MACROD2: variants seen among roughly 807,000 people sequenced by gnomAD.
The protein encoded by MACROD2 is ADP-ribose glycohydrolase MACROD2.
A neutral mutation model predicts 70.4 loss-of-function variants in MACROD2; 36 were observed. The ratio of observed to expected loss-of-function variants is 0.51; its 90% confidence interval spans 0.39 to 0.68. The LOEUF (loss-of-function observed/expected upper bound fraction) is 0.68, where lower values mean the gene tolerates loss of function less well. Among genes scored for constraint, MACROD2 ranks in the 30% least tolerant of loss-of-function variants. The pLI, the probability that MACROD2 is intolerant of heterozygous loss-of-function variation, is 0.00. For missense variants in MACROD2, 496 were observed against 538.4 expected (o/e 0.92, Z 0.78); for synonymous variants, 172 against 178.8 (o/e 0.96, Z 0.30).
chr20:14,143,769 AT>A (rs960551206), intron 3 of MACROD2, among the ~76,000 whole-genome samples: 1 of 152,200 alleles, frequency 6.6e-6, no homozygotes, highest in African/African-American at 2.4e-5. Flanking sequence ...TTTGAACTGC[AT>A]GTTTAAATTG....
In MACROD2 at chr20:14,516,224, A is replaced by G. The variant is rs182850451; in HGVS notation, c.301+22716A>G. On this transcript the variant is annotated intron_variant, in intron 4 of 17. Coordinates refer to ENST00000684519, the MANE Select transcript of MACROD2 (RefSeq NM_001351661.2). ...TTCTATTTAATAATACTATTATTTT[A>G]TCTTTCAACATTTAATTTTTAAAAA... Among the ~76,000 whole-genome samples, 1,411 of 151,920 alleles carry G rather than the reference A, an allele frequency of 9.3e-3. 29 individuals carry two copies. The highest frequency in any genetic ancestry group is 0.032 in the African/African-American group (1,340 of 41,500).
intron 5 of MACROD2, among the ~76,000 whole-genome samples, chr20:14,993,017 A>G (rs1467822101): frequency 1.8e-4 from 27 of 152,148 alleles, no homozygotes; most frequent in Admixed American, 1.7e-3. Context: ...ATTCTGGAAA[A>G]TAGACTGCAT....
At chr20:14,305,140 A>G (rs534367962) in intron 3 of MACROD2, among the ~76,000 whole-genome samples, 54 of 152,296 alleles carry the variant, frequency 3.5e-4, no homozygotes, top group African/African-American at 1.3e-3. Context: ...TACCCTATAA[A>G]GATGCATGCT....
In MACROD2 at chr20:15,336,211, C is replaced by T. The variant is rs971644936; in HGVS notation, c.541-95194C>T. Among the ~76,000 whole-genome samples, 10 of 151,496 alleles carry T rather than the reference C, an allele frequency of 6.6e-5. 1 individual carries two copies. Among genetic ancestry groups the T allele is most frequent in the African/African-American group, 2.4e-4 (10 of 40,854 alleles). ...AGGAAGGCATTCCTGTTTTGCAAGT[C>T]ATTGTAATTTCCCCCGCAGGTAGCA... is the stretch of plus-strand genomic sequence containing the variant. On this transcript the variant is annotated intron_variant, in intron 6 of 17. Transcript: ENST00000684519.
chr20:14,617,126 T>A (rs1474475155), intron 4 of MACROD2, among the ~76,000 whole-genome samples: 1 of 152,148 alleles, frequency 6.6e-6, no homozygotes, highest in Non-Finnish European at 1.5e-5. Context: ...TTGTTTGACA[T>A]TGTCAGTTGG....
intron 5 of MACROD2, among the ~76,000 whole-genome samples, chr20:14,725,970 T>C (rs4813165): frequency 0.66 from 99,953 of 152,028 alleles, 33,226 homozygotes; most frequent in South Asian, 0.74. Context: ...GTGGTTCCTG[T>C]TATCATGTCC....
At chr20:14,686,377 G>T (rs1414783959) in intron 5 of MACROD2, among the ~76,000 whole-genome samples, 2 of 152,080 alleles carry the variant, frequency 1.3e-5, no homozygotes, top group African/African-American at 4.8e-5. Context: ...AAATAATTTT[G>T]TGCATGAAAC....
At chr20:15,820,311 C>G (rs964072134) in intron 8 of MACROD2, among the ~76,000 whole-genome samples, 3 of 152,056 alleles carry the variant, frequency 2.0e-5, no homozygotes, top group African/African-American at 7.2e-5. Context: ...CCGCCTCAGC[C>G]CCTTGAGTAT....
At chr20:14,593,299 A>G (rs1416478137) in intron 4 of MACROD2, among the ~76,000 whole-genome samples, 1 of 152,216 alleles carries the variant, frequency 6.6e-6, no homozygotes, top group African/African-American at 2.4e-5. Flanking sequence ...ATTGTGTATA[A>G]TAATGAAATG....
intron 5 of MACROD2, among the ~76,000 whole-genome samples, chr20:15,155,748 C>T (rs1363252623): frequency 2.0e-5 from 3 of 152,128 alleles, no homozygotes; most frequent in African/African-American, 7.2e-5. Flanking sequence ...GAATGAATAA[C>T]TGAACCAACA....
chr20:14,537,442 A>G (rs560812082), intron 4 of MACROD2, among the ~76,000 whole-genome samples: 8 of 152,256 alleles, frequency 5.3e-5, no homozygotes, highest in African/African-American at 1.4e-4. Context: ...CACTTACCCC[A>G]TTCTTCATTG....
intron 8 of MACROD2, among the ~76,000 whole-genome samples, chr20:15,526,159 T>C (rs2047719059): frequency 6.6e-6 from 1 of 152,166 alleles, no homozygotes; most frequent in Non-Finnish European, 1.5e-5. Context: ...AGAATGTCTT[T>C]CCTTCAGGTC....
chr20:15,133,905 C>CTTTTTTT (rs11467185), intron 5 of MACROD2, among the ~76,000 whole-genome samples: 1 of 111,298 alleles, frequency 9.0e-6, no homozygotes, highest in Non-Finnish European at 1.8e-5. Flanking sequence ...TTTAAATAAT[C>CTTTTTTT]TTTTTTTTTT....
intron 5 of MACROD2, among the ~76,000 whole-genome samples, chr20:15,080,080 G>T (rs1419702965): frequency 6.6e-6 from 1 of 151,120 alleles, no homozygotes; most frequent in Non-Finnish European, 1.5e-5. Flanking sequence ...CTTTTCTCTT[G>T]ACTCTAATGC....
Position 15,615,676 on chromosome 20 carries a change from G to A in MACROD2, c.645+115829G>A, listed in dbSNP as rs552833482. On this transcript the variant is annotated intron_variant, in intron 8 of 17. Coordinates refer to ENST00000684519, the MANE Select transcript of MACROD2 (RefSeq NM_001351661.2). ...CCACCATGGTCCAAGGGCCTGTGTC[G>A]GACTGAGGAGTGTCCTGCTCTTTCC... Among the ~76,000 whole-genome samples the A allele has an allele frequency of 6.6e-5, 10 of 152,186 alleles. No individual in the cohort carries two copies. In the South Asian group the frequency reaches 1.2e-3, roughly 19 times the overall value.
intron 6 of MACROD2, among the ~76,000 whole-genome samples, chr20:15,350,530 C>T (rs1465142673): frequency 6.6e-6 from 1 of 152,102 alleles, no homozygotes; most frequent in East Asian, 1.9e-4. Flanking sequence ...CGTGTTTACT[C>T]AGATAGGGAA....
chr20:14,890,760 A>AT (rs2073745225), intron 5 of MACROD2, among the ~76,000 whole-genome samples: 1 of 47,266 alleles, frequency 2.1e-5, no homozygotes, highest in East Asian at 7.1e-4. Flanking sequence ...CAAAAACAGA[A>AT]AAAAAAAAAT....
chr20:14,752,994 C>G (rs1399679614), intron 5 of MACROD2, among the ~76,000 whole-genome samples: 1 of 152,052 alleles, frequency 6.6e-6, no homozygotes, highest in Non-Finnish European at 1.5e-5. Context: ...CACCTAGTTG[C>G]ATATATCCAC....
intron 3 of MACROD2, among the ~76,000 whole-genome samples, chr20:14,456,002 T>C (rs1465460872): frequency 6.6e-6 from 1 of 151,786 alleles, no homozygotes; most frequent in African/African-American, 2.4e-5. Context: ...TGAGGAACAA[T>C]AGAACAAATT....
Sources: allele counts gnomAD v4.1 joint callset (sites outside exome capture counted in the v4.1 genomes callset), GRCh38; gene constraint gnomAD v4.1.1; transcripts MANE v1.5; gene names NCBI Gene and HGNC (gene_info 2026-07-23, HGNC 2026-07-21).